The following TRPM2 variants were observed in gnomAD, a reference collection of about 807,000 sequenced individuals.
The protein encoded by TRPM2 is transient receptor potential cation channel subfamily M member 2.
Under a neutral mutation model 174.0 loss-of-function variants are expected in TRPM2, and 161 were observed. The observed-to-expected ratio is 0.93, with a 90% CI of 0.81 to 1.05. The LOEUF is 1.05. Among genes scored for constraint, TRPM2 ranks in the 50% least tolerant of loss-of-function variants. The pLI, the probability that TRPM2 is intolerant of heterozygous loss-of-function variation, is 0.00. For missense variants in TRPM2, 2,057 were observed against 2,038.0 expected, an observed-to-expected ratio of 1.01 and a Z score of -0.18; for synonymous variants, 954 against 861.3, an observed-to-expected ratio of 1.11 and a Z score of -1.88.
chr21:44,380,411 C>T (rs986055612), intron 8 of TRPM2, among the ~76,000 whole-genome samples: 2 of 152,164 alleles, frequency 1.3e-5, no homozygotes, highest in African/African-American at 2.4e-5. Context: ...ACTTGTCGGG[C>T]GGGCCCTGGA....
intron 21 of TRPM2, 54 bp from the exon 22 acceptor site, chr21:44,418,369 G>C: frequency 6.3e-7 from 1 of 1,597,156 alleles, no homozygotes; most frequent in Non-Finnish European, 8.6e-7. Context: ...CAGGGCTTCA[G>C]GGCCCACCTC....
At position 44,423,713 on chromosome 21, in the gene TRPM2, T is replaced by C; in HGVS notation, c.3530T>C (p.Leu1177Ser). 1 of 1,609,826 alleles carries C rather than the reference T, an allele frequency of 6.2e-7. No individual in the cohort carries two copies. Among genetic ancestry groups the C allele is most frequent in the Non-Finnish European group, 8.5e-7 (1 of 1,179,018 alleles). ...AGGTCGGGCTCCATGGAGCAGAGGT[T>C]GGCCTCCCTGGAGGAGCAGGTGGGT... ...LKRSGSMEQR[L>S]ASLEEQVAQT... Residue 1177 changes from leucine to serine, a missense_variant, in exon 23 of 32, where the codon TTG becomes TCG. Physicochemically the swap from Leu to Ser is moderately radical, Grantham distance 145. Transcript: ENST00000397928.
Position 44,369,289 on chromosome 21 carries a change from C to CGGA in TRPM2, c.719_721dup (p.Gly240dup). The CGGA allele has an allele frequency of 6.2e-7, 1 of 1,613,774 alleles. No homozygotes were observed. Among genetic ancestry groups the CGGA allele is most frequent in the South Asian group, 1.1e-5 (1 of 91,074 alleles). The stretch of plus-strand genomic sequence containing the variant: ...ACAAGGAAGGCGAGCTCATCACCAT[C>CGGA]GGAGTCGCCACCTGGGGCACTGTCC... On this transcript the variant is annotated inframe_insertion, in exon 5 of 32. Transcript: ENST00000397928.
intron 22 of TRPM2, chr21:44,423,313 C>T (rs1445154116): frequency 1.5e-5 from 5 of 343,788 alleles, no homozygotes; most frequent in African/African-American, 4.2e-5. Context: ...CCAACCTCTG[C>T]TGTGCCCAGA....
In TRPM2 at chr21:44,438,386, C is replaced by T. The variant is rs1487611233; in HGVS notation, c.4168-681C>T. 6.6e-6 allele frequency among the ~76,000 whole-genome samples: 1 copy of T among 152,174 alleles called. No individual in the cohort carries two copies. Among genetic ancestry groups the T allele is most frequent in the East Asian group, 1.9e-4 (1 of 5,192 alleles). ...AGCTCAGGCTGGTCACTGAGAGGGG[C>T]ACTCTGAGGGGCCTCCTGGGTTCCT... On this transcript the variant is annotated intron_variant, in intron 29 of 31. Coordinates refer to ENST00000397928, the MANE Select transcript of TRPM2 (RefSeq NM_003307.4). The surrounding 1 kb of genome is among the most constrained non-coding windows in gnomAD (Gnocchi z 5.9).
At chr21:44,414,930 T>C (rs2050228207) in intron 20 of TRPM2, 1 of 152,226 alleles carries the variant, frequency 6.6e-6, no homozygotes, top group Non-Finnish European at 1.5e-5. Context: ...GGTGGCTTCT[T>C]TTCCCGTCTG....
At position 44,426,531 on chromosome 21, in the gene TRPM2, C is replaced by T. The variant is rs45438396; in HGVS notation, c.3796-129C>T. 3,038 of 969,714 alleles carry T rather than the reference C, an allele frequency of 3.1e-3. 14 individuals carry two copies. Among genetic ancestry groups the T allele is most frequent in the Middle Eastern group, 0.014 (54 of 3,768 alleles). The allele number at this position is 969,714 out of a possible 1,614,324, so 60.1% of individuals were successfully genotyped here. On this transcript the variant is annotated intron_variant, in intron 25 of 31. Transcript: ENST00000397928. Reference sequence around the variant, plus strand: ...GCACCCGGATCTGCCCAGCTTGGAGCTTCTGCCCTGCATGTTGGGATGTTG... The same window carrying T: ...GCACCCGGATCTGCCCAGCTTGGAGTTTCTGCCCTGCATGTTGGGATGTTG...
intron 9 of TRPM2, among the ~76,000 whole-genome samples, chr21:44,386,516 A>G (rs1053635578): frequency 5.3e-5 from 8 of 152,214 alleles, no homozygotes; most frequent in South Asian, 4.1e-4. Context: ...GAAAAAAAAT[A>G]CTGAGGAATT....
chr21:44,351,515 G>A (rs2122997025), upstream of TRPM2, among the ~76,000 whole-genome samples: 6 of 152,360 alleles, frequency 3.9e-5, no homozygotes, highest in East Asian at 1.2e-3. Context: ...ACTCACACCT[G>A]TGCCAGTTGC....
At chr21:44,352,421 G>C (rs903578991), upstream of TRPM2, among the ~76,000 whole-genome samples, 1 of 152,232 alleles carries the variant, frequency 6.6e-6, no homozygotes, top group Non-Finnish European at 1.5e-5. Flanking sequence ...ACCGAGCTTC[G>C]AGCTGCGTGG....
intron 27 of TRPM2, among the ~76,000 whole-genome samples, chr21:44,430,910 T>C (rs577821777): frequency 2.8e-4 from 36 of 129,546 alleles, no homozygotes; most frequent in Non-Finnish European, 4.7e-4. Flanking sequence ...AAAAATAATA[T>C]AAATATATAG....
At chr21:44,385,522 G>A (rs570360412) in intron 9 of TRPM2, among the ~76,000 whole-genome samples, 13 of 152,284 alleles carry the variant, frequency 8.5e-5, no homozygotes, top group Admixed American at 2.6e-4. Flanking sequence ...TCAACATTGC[G>A]TTGGAAGTTC....
chr21:44,387,781 G>A (rs967950512), intron 9 of TRPM2, among the ~76,000 whole-genome samples: 5 of 151,980 alleles, frequency 3.3e-5, no homozygotes, highest in Non-Finnish European at 7.4e-5. Flanking sequence ...TGGCCAATAA[G>A]CACGTGAAAA....
In TRPM2 at chr21:44,418,076, T is replaced by C. The variant is rs373668098; in HGVS notation, c.3296T>C (p.Leu1099Pro). Residue 1099 changes from leucine (L) to proline (P), a missense_variant, in exon 21 of 32, where the codon CTG becomes CCG. Physicochemically the swap from Leu to Pro is moderately conservative, Grantham distance 98. Transcript: ENST00000397928. ...HLQLFIKRVV[L>P]KTPAKRHKQL... ...CAGCTCTTCATCAAGAGGGTGGTCCTGAAGACTCCGGCCAAGAGGCACAAG... is the reference window on the plus strand; with the variant it reads ...CAGCTCTTCATCAAGAGGGTGGTCCCGAAGACTCCGGCCAAGAGGCACAAG... The C allele has an allele frequency of 8.1e-6, 13 of 1,612,684 alleles. No homozygotes were observed. The highest frequency in any genetic ancestry group is 2.7e-5 in the African/African-American group (2 of 74,946).
rs578226689 is a variant in TRPM2, at chr21:44,435,915, C to T, written c.4061+698C>T. The stretch of plus-strand genomic sequence containing the variant: ...CACTCTCTCCTCAGACTCACTCCTC[C>T]CCACCCATCCACAGGGACACAGCCC... On this transcript the variant is annotated intron_variant, in intron 28 of 31. Coordinates refer to ENST00000397928, the MANE Select transcript of TRPM2 (RefSeq NM_003307.4). 3.6e-3 allele frequency among the ~76,000 whole-genome samples: 526 copies of T among 145,248 alleles called. 9 individuals carry two copies. Among genetic ancestry groups the T allele is most frequent in the African/African-American group, 0.013 (500 of 37,714 alleles).
intron 16 of TRPM2, among the ~76,000 whole-genome samples, chr21:44,403,636 T>C (rs780639803): frequency 8.0e-5 from 12 of 149,912 alleles, no homozygotes; most frequent in Non-Finnish European, 1.3e-4. Context: ...TGCATATGTA[T>C]ACACACATGC....
At chr21:44,422,791 C>G (rs1334697608) in intron 22 of TRPM2, among the ~76,000 whole-genome samples, 3 of 137,894 alleles carry the variant, frequency 2.2e-5, no homozygotes, top group Non-Finnish European at 4.7e-5. Flanking sequence ...CAAAATAAGA[C>G]AGAAGCCAAA....
At chr21:44,370,868 G>A (rs1410453983) in intron 5 of TRPM2, among the ~76,000 whole-genome samples, 3 of 152,164 alleles carry the variant, frequency 2.0e-5, no homozygotes, top group South Asian at 2.1e-4. Flanking sequence ...GAGTTCAGAC[G>A]ACTTCCCGTG....
intron 9 of TRPM2, among the ~76,000 whole-genome samples, chr21:44,387,111 AGAAG>A (rs2049038069): frequency 6.6e-6 from 1 of 152,140 alleles, no homozygotes; most frequent in Admixed American, 6.6e-5. Context: ...ACTTGAGCCC[AGAAG>A]GTTGGGGCTG....
Sources: allele counts gnomAD v4.1 joint callset (sites outside exome capture counted in the v4.1 genomes callset), GRCh38; gene constraint gnomAD v4.1.1; non-coding constraint Gnocchi (gnomAD v3.1); transcripts MANE v1.5; gene names NCBI Gene and HGNC (gene_info 2026-07-23, HGNC 2026-07-21).